ASCC1: variants seen among roughly 807,000 people sequenced by gnomAD.
ASCC1 encodes the protein activating signal cointegrator 1 complex subunit 1.
ASCC1 carries 35 observed loss-of-function variants against 46.6 expected under a neutral mutation model. That is an observed-to-expected ratio of 0.75 (90% CI 0.57 to 0.99). ASCC1 has a LOEUF of 0.99. Ranked by LOEUF, ASCC1 falls within the 50% of genes least tolerant of loss-of-function variation. ASCC1 has a pLI of 0.00. For synonymous variants in ASCC1, 143 were observed against 146.6 expected (o/e 0.98, Z 0.18); for missense variants, 376 against 428.7 (o/e 0.88, Z 1.09).
chr10:72,111,922 G>A lies in ASCC1; in HGVS notation c.958-14472C>T, dbSNP rs139359180. On this transcript the variant is annotated intron_variant, in intron 9 of 9. Coordinates refer to ENST00000672957, the MANE Select transcript of ASCC1 (RefSeq NM_001198800.3). Reference sequence around the variant, plus strand: ...CTCCCAAAGTGCTGGGATTACAGGCGTGAGCCACCACGCCAGGCCAAGCAT... The same window carrying A: ...CTCCCAAAGTGCTGGGATTACAGGCATGAGCCACCACGCCAGGCCAAGCAT... Among the ~76,000 whole-genome samples, 915 of 152,304 alleles carry A rather than the reference G, an allele frequency of 6.0e-3. 11 individuals are homozygous for A. The highest frequency in any genetic ancestry group is 0.021 in the African/African-American group (864 of 41,566).
intron 6 of ASCC1, among the ~76,000 whole-genome samples, chr10:72,156,859 C>G (rs930046860): frequency 6.6e-6 from 1 of 152,014 alleles, no homozygotes; most frequent in Non-Finnish European, 1.5e-5. Context: ...GACATTGAAC[C>G]CAGGTCATGG....
chr10:72,217,075 G>A, upstream of ASCC1: 1 of 454,090 alleles, frequency 2.2e-6, no homozygotes, highest in South Asian at 1.6e-5. Flanking sequence ...AAATGCTCGG[G>A]ACTGGAAGCA....
intron 3 of ASCC1, among the ~76,000 whole-genome samples, chr10:72,209,394 A>T (rs1451283446): frequency 1.3e-5 from 2 of 152,052 alleles, no homozygotes; most frequent in East Asian, 3.9e-4. Context: ...AGGTGAAAGG[A>T]TCACTTTACC....
At position 72,096,796 on chromosome 10, in the gene ASCC1, A is replaced by C; in HGVS notation, c.*538T>G. 1 of 454,130 alleles carries C rather than the reference A, an allele frequency of 2.2e-6. No homozygotes were observed. Among genetic ancestry groups the C allele is most frequent in the Non-Finnish European group, 4.4e-6 (1 of 226,796 alleles). The allele number at this position is 454,130 out of a possible 1,614,324, so 28.1% of individuals were successfully genotyped here. A position where few individuals can be genotyped will look rare whatever the true frequency, so the allele number is the denominator to read the frequency against. On this transcript the variant is annotated 3_prime_UTR_variant, in exon 10 of 10. Coordinates refer to ENST00000672957, the MANE Select transcript of ASCC1 (RefSeq NM_001198800.3). ...ACCTTGAGGACATTATGCTAAGTGA[A>C]ATAAGCCAGTCACAAAAAGACAAGT... is the stretch of plus-strand genomic sequence containing the variant.
At chr10:72,176,544 TA>T (rs1851877910) in intron 5 of ASCC1, among the ~76,000 whole-genome samples, 1 of 151,930 alleles carries the variant, frequency 6.6e-6, no homozygotes, top group South Asian at 2.1e-4. Context: ...AGAGTTTCAC[TA>T]TGTTGCCCAG....
At chr10:72,204,679 G>A (rs1432967936) in intron 3 of ASCC1, among the ~76,000 whole-genome samples, 2 of 152,084 alleles carry the variant, frequency 1.3e-5, no homozygotes, top group Admixed American at 6.6e-5. Flanking sequence ...TTTTTGCGTG[G>A]GATAAGAAAG....
At chr10:72,156,541 T>A (rs1458098498) in intron 6 of ASCC1, among the ~76,000 whole-genome samples, 1 of 152,136 alleles carries the variant, frequency 6.6e-6, no homozygotes, top group Non-Finnish European at 1.5e-5. Context: ...GGCGGGTGGA[T>A]CATGAGGTCA....
intron 9 of ASCC1, among the ~76,000 whole-genome samples, chr10:72,107,706 C>A (rs1011900616): frequency 1.3e-5 from 2 of 152,178 alleles, no homozygotes; most frequent in Non-Finnish European, 2.9e-5. Flanking sequence ...CAAAAAGTTT[C>A]TTGGGCAGAC....
intron 9 of ASCC1, among the ~76,000 whole-genome samples, chr10:72,114,077 A>G (rs768608056): frequency 5.3e-5 from 8 of 152,222 alleles, no homozygotes; most frequent in Non-Finnish European, 1.0e-4. Flanking sequence ...AAACAAAATC[A>G]CTGTCCATGT....
At chr10:72,156,863 G>A (rs757795921) in intron 6 of ASCC1, among the ~76,000 whole-genome samples, 2 of 152,052 alleles carry the variant, frequency 1.3e-5, no homozygotes, top group Non-Finnish European at 2.9e-5. Flanking sequence ...TTGAACCCAG[G>A]TCATGGGGAT....
intron 5 of ASCC1, among the ~76,000 whole-genome samples, chr10:72,177,745 G>C (rs1317757451): frequency 6.6e-6 from 1 of 152,110 alleles, no homozygotes; most frequent in Non-Finnish European, 1.5e-5. Context: ...GATATACAAG[G>C]TTGTAATATA....
At chr10:72,213,528 A>C (rs1858492132) in intron 1 of ASCC1, among the ~76,000 whole-genome samples, 197 bp from the exon 2 acceptor site, 1 of 148,432 alleles carries the variant, frequency 6.7e-6, no homozygotes, top group Non-Finnish European at 1.5e-5. Flanking sequence ...ACACTGGCTC[A>C]CTCTAGACAG....
intron 7 of ASCC1, among the ~76,000 whole-genome samples, chr10:72,141,036 T>TATAGATAGATAGATAG (rs10655614): frequency 3.7e-3 from 531 of 144,268 alleles, no homozygotes; most frequent in East Asian, 5.5e-3. Context: ...TCAAATTGTT[T>TATAGATAGATAGATAG]ATAGATAGAT....
chr10:72,151,624 T>C (rs1848340499), intron 7 of ASCC1, among the ~76,000 whole-genome samples: 9 of 152,164 alleles, frequency 5.9e-5, no homozygotes, highest in Admixed American at 5.9e-4. Context: ...TTTTGATGTT[T>C]CGATAATGTA....
At chr10:72,189,647 A>G (rs1191782037) in intron 5 of ASCC1, among the ~76,000 whole-genome samples, 5 of 151,860 alleles carry the variant, frequency 3.3e-5, no homozygotes, top group Non-Finnish European at 7.4e-5. Flanking sequence ...TATTAAAACT[A>G]CAAAATTAGC....
intron 5 of ASCC1, among the ~76,000 whole-genome samples, chr10:72,174,370 G>A (rs1355895400): frequency 4.6e-5 from 7 of 152,160 alleles, no homozygotes; most frequent in Admixed American, 1.3e-4. Context: ...CACATATCAA[G>A]CTTGGGGAAA....
intron 5 of ASCC1, among the ~76,000 whole-genome samples, chr10:72,176,266 A>G (rs1268455593): frequency 6.6e-6 from 1 of 152,110 alleles, no homozygotes; most frequent in East Asian, 1.9e-4. Flanking sequence ...CTCTCAAGAC[A>G]TCCTCCACAC....
intron 9 of ASCC1, among the ~76,000 whole-genome samples, chr10:72,118,552 G>C (rs759276819): frequency 6.6e-6 from 1 of 151,966 alleles, no homozygotes; most frequent in Non-Finnish European, 1.5e-5. Flanking sequence ...GGCCAAGGCG[G>C]GTGGATTACC....
chr10:72,197,736 T>A (rs997883965), intron 4 of ASCC1, among the ~76,000 whole-genome samples: 2 of 151,012 alleles, frequency 1.3e-5, no homozygotes, highest in African/African-American at 4.9e-5. Flanking sequence ...CAAAACCCCA[T>A]CTCTACTAAA....
Sources: gnomAD v4.1 joint callset for allele counts (sites outside exome capture counted in the v4.1 genomes callset) on GRCh38, gnomAD v4.1.1 for gene constraint, MANE v1.5 for transcripts, NCBI Gene and HGNC (gene_info 2026-07-23, HGNC 2026-07-21) for gene names.